MEIS2: variants seen among roughly 807,000 people sequenced by gnomAD.
MEIS2 encodes Meis homeobox 2, also known as homeobox protein Meis2.
MEIS2 carries 9 observed loss-of-function variants against 58.6 expected under a neutral mutation model. That is an observed-to-expected ratio of 0.15 (90% confidence interval 0.09 to 0.27). MEIS2 has a LOEUF of 0.27. Ranked by LOEUF, MEIS2 falls within the 10% of genes least tolerant of loss-of-function variation. The pLI, the probability that MEIS2 is intolerant of heterozygous loss-of-function variation, is 1.00. For missense variants in MEIS2, 427 were observed against 635.0 expected, an observed-to-expected ratio of 0.67 and a Z score of 3.52; for synonymous variants, 221 against 228.4, an observed-to-expected ratio of 0.97 and a Z score of 0.29.
At chr15:36,950,197 G>T in intron 9 of MEIS2, 127 bp downstream of exon 9, 5 of 798,044 alleles carry the variant, frequency 6.3e-6, no homozygotes, top group Admixed American at 5.0e-5. Context: ...ACACCTCGAG[G>T]TAGAAACACA....
At chr15:37,037,010 C>G (rs1030816403) in intron 7 of MEIS2, 51 bp from the exon 8 acceptor site, 15 of 1,539,662 alleles carry the variant, frequency 9.7e-6, no homozygotes, top group Non-Finnish European at 1.1e-5. Context: ...AAGGTGCCAA[C>G]AACAAGTGCA....
chr15:37,077,820 A>C (rs1365290965), intron 7 of MEIS2, among the ~76,000 whole-genome samples: 1 of 152,002 alleles, frequency 6.6e-6, no homozygotes, highest in African/African-American at 2.4e-5. Context: ...AGAGCTGATC[A>C]TTTTGTTTAA....
intron 7 of MEIS2, among the ~76,000 whole-genome samples, chr15:37,040,129 C>T (rs2062358569): frequency 6.6e-6 from 1 of 151,240 alleles, no homozygotes; most frequent in Non-Finnish European, 1.5e-5. Context: ...CAATCCTTGG[C>T]ACATGTGCCA....
chr15:37,097,595 C>T (rs1355236046), intron 2 of MEIS2, among the ~76,000 whole-genome samples: 1 of 152,206 alleles, frequency 6.6e-6, no homozygotes, highest in African/African-American at 2.4e-5. Flanking sequence ...AGTTGCTTCT[C>T]ATCGGCAGGA....
intron 8 of MEIS2, among the ~76,000 whole-genome samples, chr15:36,998,236 G>GTTTTTTTT (rs5811954): frequency 1.0e-4 from 7 of 66,768 alleles, no homozygotes; most frequent in South Asian, 9.5e-4. Flanking sequence ...AAAACACAAA[G>GTTTTTTTT]TTTTTTTTTT....
intron 8 of MEIS2, among the ~76,000 whole-genome samples, chr15:36,951,389 A>G (rs1006603833): frequency 6.6e-6 from 1 of 152,200 alleles, no homozygotes; most frequent in African/African-American, 2.4e-5. Context: ...TTCATAAAGT[A>G]GAAAGCCTTT....
intron 6 of MEIS2, among the ~76,000 whole-genome samples, chr15:37,084,772 A>G (rs904304197): frequency 3.3e-5 from 5 of 152,210 alleles, no homozygotes; most frequent in Non-Finnish European, 7.3e-5. Context: ...TGTTGCTTAA[A>G]GGAAAACAGG....
chr15:36,923,650 A>G (rs763034186), intron 9 of MEIS2, among the ~76,000 whole-genome samples: 6 of 152,230 alleles, frequency 3.9e-5, no homozygotes, highest in African/African-American at 1.4e-4. Flanking sequence ...GATATAGATC[A>G]TGCGCTCTGC....
At chr15:37,097,043 T>G (rs1023314602) in intron 2 of MEIS2, among the ~76,000 whole-genome samples, 3 of 152,198 alleles carry the variant, frequency 2.0e-5, no homozygotes, top group African/African-American at 7.2e-5. Flanking sequence ...ATAGGAAGGT[T>G]ACACACTGGA....
intron 9 of MEIS2, among the ~76,000 whole-genome samples, chr15:36,928,441 A>G (rs1324064401): frequency 6.6e-6 from 1 of 152,204 alleles, no homozygotes; most frequent in East Asian, 1.9e-4. Context: ...TGAGGGACCA[A>G]GTTCAGGTCC....
chr15:36,953,948 A>G (rs1166286526), intron 8 of MEIS2, among the ~76,000 whole-genome samples: 2 of 152,186 alleles, frequency 1.3e-5, no homozygotes, highest in East Asian at 3.9e-4. Flanking sequence ...CTAATAGTCA[A>G]CTTCTTTTGT....
intron 7 of MEIS2, among the ~76,000 whole-genome samples, chr15:37,051,471 G>A (rs1446080539): frequency 6.6e-6 from 1 of 152,096 alleles, no homozygotes. Flanking sequence ...ATAGAGGGAG[G>A]GAGTGATTAA....
chr15:37,052,366 T>C (rs1396923712), intron 7 of MEIS2, among the ~76,000 whole-genome samples: 1 of 152,180 alleles, frequency 6.6e-6, no homozygotes, highest in Non-Finnish European at 1.5e-5. Flanking sequence ...CTATTTAATA[T>C]AAGCAGAAAC....
intron 8 of MEIS2, among the ~76,000 whole-genome samples, chr15:36,977,940 AC>A (rs2059812724): frequency 6.6e-6 from 1 of 152,086 alleles, no homozygotes; most frequent in Non-Finnish European, 1.5e-5. Flanking sequence ...TACACAAAAT[AC>A]CCTGCTTAGG....
At chr15:36,995,092 T>G (rs1471927562) in intron 8 of MEIS2, among the ~76,000 whole-genome samples, 1 of 152,214 alleles carries the variant, frequency 6.6e-6, no homozygotes, top group Non-Finnish European at 1.5e-5. Context: ...ATCGAGTTAT[T>G]ACATGCCAGT....
rs377168930 is a variant in MEIS2, at chr15:37,094,879, C to G, written c.439-302G>C. On this transcript the variant is annotated intron_variant, in intron 4 of 11. Transcript: ENST00000561208. ...GCTTTCCTCGGGCCAGGCCTTTTTT[C>G]TCCTCTTAGTCCTCTTTAAACATCC... The G allele has an allele frequency of 3.2e-4, 59 of 187,046 alleles. 2 individuals carry two copies. In the South Asian group the frequency reaches 0.01, roughly 32 times the overall value. 11.6% of individuals were successfully genotyped at this position (187,046 alleles called of 1,614,324 possible).
At chr15:37,095,710 A>C in intron 3 of MEIS2, 96 bp from the exon 4 acceptor site, 1 of 1,574,562 alleles carries the variant, frequency 6.4e-7, no homozygotes, top group Non-Finnish European at 8.7e-7. Context: ...ATGGCGGAGA[A>C]GAGGAAAGGG....
chr15:37,050,043 A>G (rs1020087749), intron 7 of MEIS2, among the ~76,000 whole-genome samples: 1 of 152,198 alleles, frequency 6.6e-6, no homozygotes, highest in African/African-American at 2.4e-5. Context: ...TATTACAAAG[A>G]TATGCATTAT....
chr15:37,085,190 C>A (rs1032955127), intron 6 of MEIS2, among the ~76,000 whole-genome samples: 4 of 151,928 alleles, frequency 2.6e-5, no homozygotes, highest in Admixed American at 6.6e-5. Context: ...CAAAGTATAT[C>A]ACTAAAAAAA....
Sources: allele counts gnomAD v4.1 joint callset (sites outside exome capture counted in the v4.1 genomes callset), GRCh38; gene constraint gnomAD v4.1.1; transcripts MANE v1.5; gene names NCBI Gene and HGNC (gene_info 2026-07-23, HGNC 2026-07-21).